The following HSD17B12 variants were observed in gnomAD, a reference collection of about 807,000 sequenced individuals.
HSD17B12 encodes the protein very-long-chain 3-oxoacyl-CoA reductase.
Under a neutral mutation model 39.3 loss-of-function variants are expected in HSD17B12, and 32 were observed. The ratio of observed to expected loss-of-function variants is 0.81; its 90% CI spans 0.61 to 1.09. The LOEUF is 1.09. Among genes scored for constraint, HSD17B12 ranks in the 50% least tolerant of loss-of-function variants. The pLI is 0.00. For missense variants in HSD17B12, 342 were observed against 382.9 expected, an observed-to-expected ratio of 0.89 and a Z score of 0.89; for synonymous variants, 150 against 146.7, an observed-to-expected ratio of 1.02 and a Z score of -0.16.
chr11:43,824,279 G>A (rs1951211020), intron 6 of HSD17B12, among the ~76,000 whole-genome samples: 1 of 152,148 alleles, frequency 6.6e-6, no homozygotes, highest in African/African-American at 2.4e-5. Context: ...TCTGTTCCAG[G>A]TGACTCCAAG....
At chr11:43,749,719 G>A (rs1484385494) in intron 1 of HSD17B12, among the ~76,000 whole-genome samples, 1 of 151,854 alleles carries the variant, frequency 6.6e-6, no homozygotes, top group Non-Finnish European at 1.5e-5. Flanking sequence ...GATATGGCTA[G>A]GGAGACTATG....
chr11:43,761,150 G>A (rs1031695967), intron 3 of HSD17B12, among the ~76,000 whole-genome samples: 35 of 152,196 alleles, frequency 2.3e-4, no homozygotes, highest in African/African-American at 8.0e-4. Context: ...TTCCTTACTA[G>A]TGGGCTTGTC....
At chr11:43,744,129 G>A (rs1950393202) in intron 1 of HSD17B12, among the ~76,000 whole-genome samples, 2 of 152,146 alleles carry the variant, frequency 1.3e-5, no homozygotes, top group South Asian at 4.1e-4. Context: ...AAGATTAATA[G>A]AGAAACTGTT....
At chr11:43,844,769 C>T (rs1007550564) in intron 9 of HSD17B12, among the ~76,000 whole-genome samples, 2 of 152,090 alleles carry the variant, frequency 1.3e-5, no homozygotes, top group Non-Finnish European at 2.9e-5. Context: ...TTTTCATAAG[C>T]CTTCTGTTTT....
chr11:43,640,218 C>T, the HSD17B12 span, among the ~76,000 whole-genome samples: 2 of 151,932 alleles, frequency 1.3e-5, no homozygotes, highest in African/African-American at 2.4e-5. Context: ...GAAAGCAGCA[C>T]AATTAATTCT....
rs978309317 is a variant in HSD17B12, at chr11:43,815,340, A to G, written c.392-97A>G. 5.3e-6 allele frequency: 3 copies of G among 563,546 alleles called. No individual in the cohort carries two copies. In the Admixed American group the frequency reaches 8.0e-5, roughly 15 times the overall value. 34.9% of individuals were successfully genotyped at this position (563,546 alleles called of 1,614,324 possible). On this transcript the variant is annotated intron_variant, in intron 4 of 10. Transcript: ENST00000278353. ...CATAAACAGCATTTTATATAATTAT[A>G]TATATCATATTAGTCTTGATATCTT...
At chr11:43,605,079 T>A in the HSD17B12 span, among the ~76,000 whole-genome samples, 1 of 152,194 alleles carries the variant, frequency 6.6e-6, no homozygotes, top group Non-Finnish European at 1.5e-5. Context: ...GTGGTCAGAA[T>A]GGGCAGAATG....
chr11:43,734,392 T>A (rs1338166172), intron 1 of HSD17B12: 11 of 816,152 alleles, frequency 1.3e-5, no homozygotes, highest in Non-Finnish European at 2.2e-5. Flanking sequence ...TCATCTCTGC[T>A]GAGGGTGACT....
chr11:43,679,787 T>C (rs1401795441), upstream of HSD17B12, among the ~76,000 whole-genome samples: 1 of 152,176 alleles, frequency 6.6e-6, no homozygotes, highest in Non-Finnish European at 1.5e-5. Context: ...TTATTTGCCT[T>C]GAACCCCAAA....
intron 1 of HSD17B12, among the ~76,000 whole-genome samples, chr11:43,717,137 A>G (rs868040887): frequency 6.6e-6 from 1 of 152,230 alleles, no homozygotes; most frequent in Non-Finnish European, 1.5e-5. Context: ...CTAACTTACA[A>G]TATTGATGTG....
chr11:43,593,113 A>T, the HSD17B12 span, among the ~76,000 whole-genome samples: 1 of 152,202 alleles, frequency 6.6e-6, no homozygotes, highest in Non-Finnish European at 1.5e-5. Flanking sequence ...TTTTGTTTAC[A>T]TATTTGCACA....
At chr11:43,607,493 ATGTT>A in the HSD17B12 span, among the ~76,000 whole-genome samples, 1 of 152,168 alleles carries the variant, frequency 6.6e-6, no homozygotes, top group African/African-American at 2.4e-5. Context: ...TTTTAAATGT[ATGTT>A]CTTTAGCAGA....
At chr11:43,645,808 A>G in the HSD17B12 span, 134,630 of 152,336 alleles carry the variant, frequency 0.88, 61,075 homozygotes, top group Non-Finnish European at 0.98. Flanking sequence ...GTGAAACCCC[A>G]TCTCTACTAA....
chr11:43,799,619 T>G (rs1277685840), intron 4 of HSD17B12, among the ~76,000 whole-genome samples: 2 of 152,204 alleles, frequency 1.3e-5, no homozygotes, highest in East Asian at 3.8e-4. Context: ...AATCTGTTTA[T>G]CCCACTGCCA....
intron 1 of HSD17B12, among the ~76,000 whole-genome samples, chr11:43,713,869 G>C (rs1354667601): frequency 6.6e-6 from 1 of 152,178 alleles, no homozygotes; most frequent in Non-Finnish European, 1.5e-5. Flanking sequence ...GCATTTCTCT[G>C]ATGGCTTGTG....
At chr11:43,673,978 A>G in the HSD17B12 span, among the ~76,000 whole-genome samples, 2 of 152,316 alleles carry the variant, frequency 1.3e-5, no homozygotes, top group East Asian at 1.9e-4. Context: ...TGAACACTTA[A>G]TATCTATCTG....
At chr11:43,852,355 C>CA (rs1951540026) in intron 9 of HSD17B12, 1 of 151,832 alleles carries the variant, frequency 6.6e-6, no homozygotes, top group African/African-American at 2.4e-5. Context: ...ACGAAAGGAA[C>CA]AAAAAATTAT....
chr11:43,642,808 CTTAA>C, the HSD17B12 span, among the ~76,000 whole-genome samples: 10 of 151,742 alleles, frequency 6.6e-5, no homozygotes, highest in African/African-American at 1.9e-4. Flanking sequence ...TGGCATTTGT[CTTAA>C]TTGTTTAGGA....
chr11:43,674,521 G>A, the HSD17B12 span, among the ~76,000 whole-genome samples: 1 of 152,184 alleles, frequency 6.6e-6, no homozygotes, highest in East Asian at 1.9e-4. Context: ...AATTGCATGG[G>A]TAGTGCCTAG....
Sources: allele counts gnomAD v4.1 joint callset (sites outside exome capture counted in the v4.1 genomes callset), GRCh38; gene constraint gnomAD v4.1.1; transcripts MANE v1.5; gene names NCBI Gene and HGNC (gene_info 2026-07-23, HGNC 2026-07-21).